GABRB3: variants seen among roughly 807,000 people sequenced by gnomAD.
GABRB3 encodes the protein gamma-aminobutyric acid receptor subunit beta-3.
GABRB3 carries 14 observed loss-of-function variants against 52.1 expected under a neutral mutation model. That is an observed-to-expected ratio of 0.27 (90% confidence interval 0.18 to 0.42). The LOEUF (loss-of-function observed/expected upper bound fraction) is 0.42, where lower values mean the gene tolerates loss of function less well. Ranked by LOEUF, GABRB3 falls within the 10% of genes least tolerant of loss-of-function variation. The pLI is 1.00. For missense variants in GABRB3, 307 were observed against 609.1 expected (o/e 0.50, Z 5.22); for synonymous variants, 260 against 232.3 (o/e 1.12, Z -1.08).
chr15:26,550,798 T>G (rs1056324016), intron 8 of GABRB3, among the ~76,000 whole-genome samples: 1 of 152,198 alleles, frequency 6.6e-6, no homozygotes, highest in African/African-American at 2.4e-5. Flanking sequence ...CAAGTCTCAC[T>G]GTACCTGCAC....
intron 3 of GABRB3, among the ~76,000 whole-genome samples, chr15:26,670,871 T>C (rs1340412778): frequency 6.6e-6 from 1 of 152,288 alleles, no homozygotes; most frequent in East Asian, 1.9e-4. Flanking sequence ...AGCTACTCTA[T>C]GAGATATTTA....
In GABRB3 at chr15:26,544,446, G is replaced by A. The variant is rs1370668622; in HGVS notation, c.*3347C>T. ...TGAACATGTCAAAGTTCTGGGTGCT[G>A]GCGTTAAAAACACAATATTGCAGAT... On this transcript the variant is annotated 3_prime_UTR_variant, in exon 9 of 9. Transcript: ENST00000311550. The A allele has an allele frequency of 6.6e-6, 1 of 152,482 alleles. No homozygotes were observed. The highest frequency in any genetic ancestry group is 1.5e-5 in the Non-Finnish European group (1 of 68,036). The allele number at this position is 152,482 out of a possible 1,614,324, so 9.4% of individuals were successfully genotyped here. A position where few individuals can be genotyped will look rare whatever the true frequency, so the allele number is the denominator to read the frequency against.
At chr15:26,738,069 G>A (rs77603085) in intron 3 of GABRB3, among the ~76,000 whole-genome samples, 2 of 151,596 alleles carry the variant, frequency 1.3e-5, no homozygotes, top group Non-Finnish European at 2.9e-5. Context: ...TGTTTTTTTT[G>A]TTGTCGTTGT....
chr15:26,713,013 G>A (rs1304418914), intron 3 of GABRB3, among the ~76,000 whole-genome samples: 1 of 152,238 alleles, frequency 6.6e-6, no homozygotes, highest in Non-Finnish European at 1.5e-5. Context: ...GAAGCAGCAT[G>A]CCACCATGGG....
intron 8 of GABRB3, among the ~76,000 whole-genome samples, chr15:26,551,502 A>G (rs1290218232): frequency 1.3e-5 from 2 of 152,192 alleles, no homozygotes; most frequent in South Asian, 2.1e-4. Flanking sequence ...TCGCCTGCCC[A>G]GTGCTGAATC....
chr15:26,691,454 C>T (rs1438002614), intron 3 of GABRB3, among the ~76,000 whole-genome samples: 1 of 152,192 alleles, frequency 6.6e-6, no homozygotes, highest in East Asian at 1.9e-4. Flanking sequence ...GCATCCCTTC[C>T]ATTCATTACA....
chr15:26,650,928 A>G (rs1887177287), intron 3 of GABRB3, among the ~76,000 whole-genome samples: 1 of 152,094 alleles, frequency 6.6e-6, no homozygotes, highest in Non-Finnish European at 1.5e-5. Context: ...TCCACTCTCT[A>G]CTGAGAGCCA....
At chr15:26,649,375 C>G (rs1887121441) in intron 3 of GABRB3, among the ~76,000 whole-genome samples, 1 of 152,156 alleles carries the variant, frequency 6.6e-6, no homozygotes, top group Admixed American at 6.5e-5. Context: ...CAAGGCAGCA[C>G]CTTAAAAGCA....
intron 3 of GABRB3, among the ~76,000 whole-genome samples, chr15:26,702,030 G>A (rs575736911): frequency 2.6e-5 from 4 of 152,204 alleles, no homozygotes; most frequent in Non-Finnish European, 4.4e-5. Context: ...ATCCATAGGC[G>A]AAAACATCCA....
Position 26,607,782 on chromosome 15 carries a change from A to G in GABRB3, c.461+13532T>C, listed in dbSNP as rs141934507. Among the ~76,000 whole-genome samples the G allele has an allele frequency of 1.9e-3, 296 of 152,232 alleles. 6 individuals carry two copies. The East Asian group carries it at 0.036, about 19-fold the overall frequency. On this transcript the variant is annotated intron_variant, in intron 4 of 8. Transcript: ENST00000311550. ...AGGAATAAATTTAACCAAGGAAATG[A>G]AAGACCTGTACACTGCAAACTATAA...
At chr15:26,623,772 G>A (rs564027758) in intron 3 of GABRB3, among the ~76,000 whole-genome samples, 1 of 151,954 alleles carries the variant, frequency 6.6e-6, no homozygotes, top group Non-Finnish European at 1.5e-5. Flanking sequence ...AGCCAATTCT[G>A]AGCCTGCACA....
intron 8 of GABRB3, 134 bp downstream of exon 8, chr15:26,560,798 T>C: frequency 1.5e-6 from 2 of 1,316,828 alleles, no homozygotes; most frequent in Admixed American, 3.4e-5. Flanking sequence ...TCATAAGGGC[T>C]ATATCACAAG....
chr15:26,583,291 T>C (rs1890854918), intron 5 of GABRB3, 41 bp downstream of exon 5: 2 of 1,503,096 alleles, frequency 1.3e-6, no homozygotes, highest in South Asian at 1.1e-5. Flanking sequence ...GGATCAAAAG[T>C]ACAAATAGGA....
intron 3 of GABRB3, among the ~76,000 whole-genome samples, chr15:26,725,981 T>C (rs1274110356): frequency 6.6e-6 from 1 of 152,230 alleles, no homozygotes; most frequent in Non-Finnish European, 1.5e-5. Flanking sequence ...TGTGGGAACC[T>C]GCTTTGGCAT....
intron 4 of GABRB3, among the ~76,000 whole-genome samples, chr15:26,588,941 CTT>C (rs1891094466): frequency 1.3e-5 from 2 of 152,092 alleles, no homozygotes; most frequent in African/African-American, 4.8e-5. Flanking sequence ...AAGAAATAAA[CTT>C]GAAGTTGTAA....
intron 3 of GABRB3, among the ~76,000 whole-genome samples, chr15:26,654,180 C>T (rs1023223852): frequency 1.3e-5 from 2 of 152,132 alleles, no homozygotes; most frequent in Non-Finnish European, 2.9e-5. Flanking sequence ...GAGTCTTGCT[C>T]TGTTGCCCAG....
At chr15:26,727,257 T>C (rs779008947) in intron 3 of GABRB3, among the ~76,000 whole-genome samples, 86 of 152,350 alleles carry the variant, frequency 5.6e-4, no homozygotes, top group Admixed American at 2.0e-3. Context: ...GACTGTCTAA[T>C]TCCATCAACC....
chr15:26,668,971 G>A (rs1453705729), intron 3 of GABRB3, among the ~76,000 whole-genome samples: 2 of 152,170 alleles, frequency 1.3e-5, no homozygotes, highest in South Asian at 2.1e-4. Flanking sequence ...CGAACACAAT[G>A]AGGATGACTA....
chr15:26,628,965 C>G (rs1566783065), intron 3 of GABRB3: 14 of 1,536,084 alleles, frequency 9.1e-6, no homozygotes, highest in Non-Finnish European at 1.2e-5. Context: ...AGCCCGCGTC[C>G]CCGACTTTTA....
Sources: allele counts gnomAD v4.1 joint callset (sites outside exome capture counted in the v4.1 genomes callset), GRCh38; gene constraint gnomAD v4.1.1; transcripts MANE v1.5; gene names NCBI Gene and HGNC (gene_info 2026-07-23, HGNC 2026-07-21).